PDILT: variants seen among roughly 807,000 people sequenced by gnomAD.
The protein encoded by PDILT is protein disulfide-isomerase-like protein of the testis.
Under a neutral mutation model 53.7 loss-of-function variants are expected in PDILT, and 43 were observed. The ratio of observed to expected loss-of-function variants is 0.80; its 90% CI spans 0.63 to 1.03. PDILT has a LOEUF of 1.03. Ranked by LOEUF, PDILT falls within the 50% of genes least tolerant of loss-of-function variation. PDILT has a pLI of 0.00. For synonymous variants in PDILT, 282 were observed against 274.2 expected (o/e 1.03, Z -0.28); for missense variants, 727 against 712.3 (o/e 1.02, Z -0.24).
At chr16:20,371,683 C>G (rs1235503390) in intron 7 of PDILT, among the ~76,000 whole-genome samples, 3 of 151,654 alleles carry the variant, frequency 2.0e-5, no homozygotes, top group African/African-American at 7.3e-5. Context: ...CTGATGTAAG[C>G]CAAAATAAAT....
chr16:20,378,829 G>C (rs11074454), intron 3 of PDILT, among the ~76,000 whole-genome samples: 22,760 of 151,974 alleles, frequency 0.15, 2,173 homozygotes, highest in African/African-American at 0.27. Flanking sequence ...ACCTTAACTT[G>C]TAACAGATTA....
intron 3 of PDILT, among the ~76,000 whole-genome samples, chr16:20,377,435 C>T (rs1966402902): frequency 6.6e-6 from 1 of 152,150 alleles, no homozygotes; most frequent in African/African-American, 2.4e-5. Flanking sequence ...CTGTACTCAG[C>T]CCTGGAGATA....
At chr16:20,388,062 T>C (rs565316225) in intron 2 of PDILT, among the ~76,000 whole-genome samples, 1 of 151,954 alleles carries the variant, frequency 6.6e-6, no homozygotes, top group African/African-American at 2.4e-5. Context: ...GAGGAGGAGT[T>C]TGGATATGGA....
chr16:20,398,232 A>G (rs915852583), intron 2 of PDILT, among the ~76,000 whole-genome samples: 3 of 152,120 alleles, frequency 2.0e-5, no homozygotes, highest in Non-Finnish European at 2.9e-5. Flanking sequence ...CTTGGTCCCA[A>G]TGCCTCAGGA....
intron 2 of PDILT, chr16:20,391,083 C>T (rs893297140): frequency 6.5e-6 from 1 of 155,008 alleles, no homozygotes; most frequent in African/African-American, 2.4e-5. Flanking sequence ...ATCATTATTA[C>T]CAGTACCATC....
intron 3 of PDILT, among the ~76,000 whole-genome samples, chr16:20,380,005 T>C (rs1966441171): frequency 6.6e-6 from 1 of 152,252 alleles, no homozygotes; most frequent in African/African-American, 2.4e-5. Flanking sequence ...CAAAAGTATA[T>C]TGTAAGTGAT....
intron 11 of PDILT, among the ~76,000 whole-genome samples, chr16:20,359,813 G>A (rs114825944): frequency 1.3e-3 from 202 of 152,298 alleles, no homozygotes; most frequent in African/African-American, 4.7e-3. Flanking sequence ...GGGAACCAAA[G>A]GTTCTAAGTC....
At chr16:20,404,008 G>A (rs140134488) in intron 1 of PDILT, among the ~76,000 whole-genome samples, 3 of 152,204 alleles carry the variant, frequency 2.0e-5, no homozygotes, top group Non-Finnish European at 4.4e-5. Flanking sequence ...TATCACCATT[G>A]TTTGCATCAT....
At chr16:20,401,831 C>T (rs1166332503) in intron 1 of PDILT, among the ~76,000 whole-genome samples, 6 of 152,252 alleles carry the variant, frequency 3.9e-5, no homozygotes, top group Admixed American at 2.0e-4. Flanking sequence ...TCTCCCAGGC[C>T]TTTGGCAGAG....
At chr16:20,399,378 T>G in intron 1 of PDILT, 71 bp from the exon 2 acceptor site, 2 of 1,509,628 alleles carry the variant, frequency 1.3e-6, no homozygotes, top group Non-Finnish European at 1.8e-6. Flanking sequence ...TCACCCCCAC[T>G]TCCTTGTCCA....
chr16:20,395,890 G>A (rs1394987898), intron 2 of PDILT, among the ~76,000 whole-genome samples: 3 of 152,170 alleles, frequency 2.0e-5, no homozygotes, highest in Admixed American at 1.3e-4. Flanking sequence ...GAAGCAGCTC[G>A]AACCTTTCAT....
chr16:20,383,548 C>A (rs935106070), intron 3 of PDILT, among the ~76,000 whole-genome samples: 8 of 147,102 alleles, frequency 5.4e-5, no homozygotes, highest in African/African-American at 2.0e-4. Flanking sequence ...TCTCTTGTGG[C>A]GCCTTTCTCT....
intron 3 of PDILT, among the ~76,000 whole-genome samples, chr16:20,379,265 C>T (rs1281383367): frequency 6.6e-6 from 1 of 152,042 alleles, no homozygotes; most frequent in Non-Finnish European, 1.5e-5. Context: ...CCTCTGCCTC[C>T]CGGGTTCCAG....
chr16:20,373,660 A>G (rs1966340306), intron 5 of PDILT, among the ~76,000 whole-genome samples: 3 of 152,200 alleles, frequency 2.0e-5, no homozygotes, highest in Admixed American at 1.3e-4. Context: ...ACTTGTGCCA[A>G]TCACTGAGTT....
Position 20,372,840 on chromosome 16 carries a change from G to C in PDILT, c.880C>G (p.Gln294Glu). The C allele has an allele frequency of 6.2e-7, 1 of 1,614,018 alleles. No individual in the cohort carries two copies. The highest frequency in any genetic ancestry group is 1.1e-5 in the South Asian group (1 of 91,066). The change falls in exon 7 of 12, where the codon CAG becomes GAG. Residue 294 changes from glutamine to glutamate, a missense_variant. Gln to Glu is a conservative substitution (Grantham distance 29). Transcript: ENST00000302451. ...KSSESYGIII[Q>E]HYKLASKEFQ... ...TCCTTTGATGCCAGCTTATAATGCT[G>C]AATTATGATACCATATGACTCGGAG... is the stretch of plus-strand genomic sequence containing the variant.
intron 1 of PDILT, among the ~76,000 whole-genome samples, chr16:20,401,414 T>C (rs537362438): frequency 2.6e-5 from 4 of 152,322 alleles, no homozygotes; most frequent in South Asian, 2.1e-4. Context: ...ACTAGAGAGT[T>C]AGTTTTTATT....
intron 9 of PDILT, 61 bp downstream of exon 9, chr16:20,365,359 G>A (rs1966173740): frequency 6.3e-7 from 1 of 1,585,970 alleles, no homozygotes; most frequent in East Asian, 2.2e-5. Flanking sequence ...CAATTCAGGA[G>A]AAACACTTGA....
intron 2 of PDILT, among the ~76,000 whole-genome samples, chr16:20,395,985 G>T (rs1443999447): frequency 2.6e-5 from 4 of 152,166 alleles, no homozygotes. Context: ...GTATTCCTTT[G>T]TAGCAACACA....
At chr16:20,382,571 C>T (rs1966475459) in intron 3 of PDILT, among the ~76,000 whole-genome samples, 2 of 152,192 alleles carry the variant, frequency 1.3e-5, no homozygotes, top group African/African-American at 4.8e-5. Context: ...AGTTATTCTA[C>T]CTTTCTGTGC....
Sources: allele counts gnomAD v4.1 joint callset (sites outside exome capture counted in the v4.1 genomes callset), GRCh38; gene constraint gnomAD v4.1.1; transcripts MANE v1.5; gene names NCBI Gene and HGNC (gene_info 2026-07-23, HGNC 2026-07-21).